Variants in NKAIN2 observed in about 807,000 individuals in gnomAD.
NKAIN2 encodes the protein sodium/potassium transporting ATPase interacting 2, also known as sodium/potassium-transporting ATPase subunit beta-1-interacting protein 2.
In NKAIN2, 14 loss-of-function variants were observed where a neutral mutation model predicts 32.6. That is an observed-to-expected ratio of 0.43 (90% CI 0.28 to 0.67). The LOEUF is 0.67. Ranked by LOEUF, NKAIN2 falls within the 30% of genes least tolerant of loss-of-function variation. The pLI, the probability that NKAIN2 is intolerant of heterozygous loss-of-function variation, is 0.17. For synonymous variants in NKAIN2, 80 were observed against 87.2 expected, an observed-to-expected ratio of 0.92 and a Z score of 0.46; for missense variants, 198 against 258.3, an observed-to-expected ratio of 0.77 and a Z score of 1.60.
At chr6:123,863,731 T>G (rs1421450290) in intron 1 of NKAIN2, among the ~76,000 whole-genome samples, 1 of 152,204 alleles carries the variant, frequency 6.6e-6, no homozygotes, top group African/African-American at 2.4e-5. Flanking sequence ...ATGCTGCTCT[T>G]AGGACAACAA....
intron 1 of NKAIN2, among the ~76,000 whole-genome samples, chr6:124,233,719 A>T (rs1792585721): frequency 6.6e-6 from 1 of 152,166 alleles, no homozygotes; most frequent in Non-Finnish European, 1.5e-5. Flanking sequence ...TTTTTATGTG[A>T]TGTCTACTAG....
chr6:124,217,465 G>A (rs912263076), intron 1 of NKAIN2, among the ~76,000 whole-genome samples: 2 of 151,944 alleles, frequency 1.3e-5, no homozygotes, highest in African/African-American at 4.8e-5. Context: ...GGGTGTTTTG[G>A]TGAGATTTGG....
intron 3 of NKAIN2, among the ~76,000 whole-genome samples, chr6:124,427,654 A>G (rs1016306078): frequency 1.3e-5 from 2 of 152,168 alleles, no homozygotes; most frequent in Non-Finnish European, 2.9e-5. Flanking sequence ...ATCTTGCTTT[A>G]GTATTAAATG....
At chr6:124,480,285 A>G (rs1164202050) in intron 3 of NKAIN2, among the ~76,000 whole-genome samples, 1 of 152,200 alleles carries the variant, frequency 6.6e-6, no homozygotes, top group Non-Finnish European at 1.5e-5. Flanking sequence ...ACTGCCAACT[A>G]CAACTTACTA....
intron 1 of NKAIN2, among the ~76,000 whole-genome samples, chr6:124,274,964 C>A (rs1395612939): frequency 6.6e-6 from 1 of 152,046 alleles, no homozygotes; most frequent in Non-Finnish European, 1.5e-5. Context: ...ATTCACATGA[C>A]TTGTTAAGCT....
chr6:124,722,012 TCTA>T (rs1458803872), intron 4 of NKAIN2, among the ~76,000 whole-genome samples: 1 of 152,156 alleles, frequency 6.6e-6, no homozygotes, highest in Non-Finnish European at 1.5e-5. Context: ...CAGCCACCAT[TCTA>T]CTTTCTCCTC....
chr6:123,937,971 C>T (rs116388161), intron 1 of NKAIN2, among the ~76,000 whole-genome samples: 162 of 152,258 alleles, frequency 1.1e-3, no homozygotes, highest in African/African-American at 3.8e-3. Context: ...TCCCTTGCTC[C>T]TCTTGGGCCT....
chr6:124,239,421 C>G (rs1792953941), intron 1 of NKAIN2, among the ~76,000 whole-genome samples: 1 of 152,072 alleles, frequency 6.6e-6, no homozygotes, highest in Non-Finnish European at 1.5e-5. Flanking sequence ...GAACTCTCCT[C>G]CCCAAATTAA....
intron 1 of NKAIN2, among the ~76,000 whole-genome samples, chr6:124,189,088 C>A (rs1415166884): frequency 1.3e-5 from 2 of 152,184 alleles, no homozygotes; most frequent in East Asian, 3.9e-4. Flanking sequence ...CAATTGAAAT[C>A]ATGCACACCT....
intron 3 of NKAIN2, among the ~76,000 whole-genome samples, chr6:124,446,439 C>A (rs994379874): frequency 6.6e-6 from 1 of 152,014 alleles, no homozygotes; most frequent in African/African-American, 2.4e-5. Context: ...AATTCCTGGG[C>A]TCAAGTGATC....
chr6:124,276,293 A>AACACACACACACACACACACAC (rs149321217), intron 1 of NKAIN2, among the ~76,000 whole-genome samples: 1 of 145,850 alleles, frequency 6.9e-6, no homozygotes, highest in African/African-American at 2.5e-5. Flanking sequence ...CCCCTTGGTG[A>AACACACACACACACACACACAC]ACACACACAC....
At chr6:124,268,226 A>G (rs895530103) in intron 1 of NKAIN2, among the ~76,000 whole-genome samples, 37 of 152,356 alleles carry the variant, frequency 2.4e-4, no homozygotes, top group African/African-American at 8.7e-4. Context: ...TGATCAGAGC[A>G]GAAGTATGTG....
intron 1 of NKAIN2, among the ~76,000 whole-genome samples, chr6:124,056,652 A>G (rs1425294469): frequency 6.6e-6 from 1 of 152,058 alleles, no homozygotes; most frequent in Non-Finnish European, 1.5e-5. Context: ...ACACGTTGCC[A>G]CTTTAAATAA....
chr6:124,522,987 C>CA lies in NKAIN2; in HGVS notation c.274-135193dup, dbSNP rs1451701883. Reference sequence around the variant, plus strand: ...TGAAACCCCGTCTCTACTAAAAATACAAAAAATTAGCCGGGCGTAGTGGCG... The same window carrying CA: ...TGAAACCCCGTCTCTACTAAAAATACAAAAAAATTAGCCGGGCGTAGTGGCG... On this transcript the variant is annotated intron_variant, in intron 3 of 6. Coordinates refer to ENST00000368417, the MANE Select transcript of NKAIN2 (RefSeq NM_001040214.3). 5.4e-5 allele frequency among the ~76,000 whole-genome samples: 8 copies of CA among 147,098 alleles called. No individual in the cohort carries two copies. The East Asian group carries it at 1.4e-3, about 26-fold the overall frequency.
intron 3 of NKAIN2, among the ~76,000 whole-genome samples, chr6:124,582,623 T>G (rs1403439663): frequency 6.6e-6 from 1 of 152,130 alleles, no homozygotes; most frequent in African/African-American, 2.4e-5. Context: ...AGGCTAGTAT[T>G]GTCTTGATAC....
chr6:123,952,278 G>A (rs1006793881), intron 1 of NKAIN2, among the ~76,000 whole-genome samples: 21 of 151,986 alleles, frequency 1.4e-4, no homozygotes, highest in African/African-American at 4.8e-4. Context: ...TCTGATTGGG[G>A]TTTCTTTATA....
chr6:124,268,957 C>A (rs1794625543), intron 1 of NKAIN2, among the ~76,000 whole-genome samples: 1 of 151,954 alleles, frequency 6.6e-6, no homozygotes, highest in Non-Finnish European at 1.5e-5. Flanking sequence ...ATTAAATAAG[C>A]TCATATGTAT....
intron 1 of NKAIN2, among the ~76,000 whole-genome samples, chr6:124,008,635 A>G: frequency 6.6e-6 from 1 of 152,022 alleles, no homozygotes; most frequent in East Asian, 1.9e-4. Context: ...GTTTGTTTAG[A>G]TGCGTGTTTA....
At chr6:124,030,723 A>G (rs1374311743) in intron 1 of NKAIN2, among the ~76,000 whole-genome samples, 1 of 152,238 alleles carries the variant, frequency 6.6e-6, no homozygotes, top group East Asian at 1.9e-4. Context: ...CCTGGAAAGC[A>G]TGAACATACT....
Sources: gnomAD v4.1 joint callset for allele counts (sites outside exome capture counted in the v4.1 genomes callset) on GRCh38, gnomAD v4.1.1 for gene constraint, MANE v1.5 for transcripts, NCBI Gene and HGNC (gene_info 2026-07-23, HGNC 2026-07-21) for gene names.